Variants in PTPRN2 observed in about 807,000 individuals in gnomAD.
PTPRN2 encodes receptor-type tyrosine-protein phosphatase N2.
Under a neutral mutation model 118.8 loss-of-function variants are expected in PTPRN2, and 74 were observed. The observed-to-expected ratio is 0.62, with a 90% CI of 0.52 to 0.76. The LOEUF is 0.76. PTPRN2 is among the 30% of genes least tolerant of loss of function. The pLI is 0.00. For missense variants in PTPRN2, 1,481 were observed against 1,394.4 expected (o/e 1.06, Z -0.99); for synonymous variants, 641 against 608.0 (o/e 1.05, Z -0.80).
At position 157,953,904 on chromosome 7, in the gene PTPRN2, C is replaced by A. The variant is rs1409240170; in HGVS notation, c.1724-55167G>T. Among the ~76,000 whole-genome samples the A allele has an allele frequency of 6.6e-6, 1 of 152,198 alleles. No individual in the cohort carries two copies. The highest frequency in any genetic ancestry group is 1.5e-5 in the Non-Finnish European group (1 of 68,028). On this transcript the variant is annotated intron_variant, in intron 11 of 22. Coordinates refer to ENST00000389418, the MANE Select transcript of PTPRN2 (RefSeq NM_002847.5). This position sits in a 1 kb window ranked among gnomAD's most constrained non-coding sequence, Gnocchi z 4.6. ...GGTTTAAATATTCTCTCCTTTCCCT[C>A]ACCATGGAATGCACAAACGCTTGAA...
chr7:158,209,991 C>A (rs1028747588), intron 3 of PTPRN2, among the ~76,000 whole-genome samples: 16 of 152,100 alleles, frequency 1.1e-4, no homozygotes, highest in Non-Finnish European at 1.8e-4. Flanking sequence ...TTAGAGATTT[C>A]TTGAAACAAA....
chr7:157,790,965 T>A (rs531790605), intron 12 of PTPRN2, among the ~76,000 whole-genome samples: 1 of 152,306 alleles, frequency 6.6e-6, no homozygotes, highest in African/African-American at 2.4e-5. Context: ...GTTTAATAAC[T>A]TTTTTTAATA....
rs559187188 is a variant in PTPRN2 at position 157,831,863 on chromosome 7, G to C, written c.1788+66810C>G. Among the ~76,000 whole-genome samples, 78 of 152,318 alleles carry C rather than the reference G, an allele frequency of 5.1e-4. No individual in the cohort carries two copies. The highest frequency in any genetic ancestry group is 1.8e-3 in the African/African-American group (76 of 41,570). The stretch of plus-strand genomic sequence containing the variant: ...GCCATAAAATATATGGATATTCCAG[G>C]GTTTAATTCATAGCCATCCTTAAGC... On this transcript the variant is annotated intron_variant, in intron 12 of 22. Coordinates refer to ENST00000389418, the MANE Select transcript of PTPRN2 (RefSeq NM_002847.5). The surrounding 1 kb of genome is among the most constrained non-coding windows in gnomAD (Gnocchi z 4.8).
chr7:158,504,542 G>A (rs775259896), intron 1 of PTPRN2, among the ~76,000 whole-genome samples: 7 of 152,086 alleles, frequency 4.6e-5, no homozygotes, highest in Non-Finnish European at 7.4e-5. Flanking sequence ...TCTTTTCTAC[G>A]GCTGCATAGT....
At chr7:157,982,815 A>C (rs1338378998) in intron 11 of PTPRN2, among the ~76,000 whole-genome samples, 3 of 107,944 alleles carry the variant, frequency 2.8e-5, no homozygotes, top group African/African-American at 7.3e-5. Context: ...TGCAGAGTGC[A>C]GGGTCCCCCC....
intron 2 of PTPRN2, among the ~76,000 whole-genome samples, chr7:158,343,388 G>A (rs1483223609): frequency 2.6e-5 from 4 of 152,152 alleles, no homozygotes; most frequent in Non-Finnish European, 4.4e-5. Context: ...ATCAAAAAAC[G>A]AAACGAAGCA....
chr7:157,903,078 TGC>T lies in PTPRN2; in HGVS notation c.1724-4343_1724-4342del, dbSNP rs1797560567. 6.6e-6 allele frequency among the ~76,000 whole-genome samples: 1 copy of T among 152,076 alleles called. No individual in the cohort carries two copies. Among genetic ancestry groups the T allele is most frequent in the Non-Finnish European group, 1.5e-5 (1 of 68,010 alleles). On this transcript the variant is annotated intron_variant, in intron 11 of 22. Coordinates refer to ENST00000389418, the MANE Select transcript of PTPRN2 (RefSeq NM_002847.5). This position sits in a 1 kb window ranked among gnomAD's most constrained non-coding sequence, Gnocchi z 4.2. ...AACGCAAAAGCAGAAAGCCACACGC[TGC>T]CACACACTCTCACACGGAAGCAGGA...
In PTPRN2 at chr7:157,855,199, G is replaced by A. The variant is rs1230510464; in HGVS notation, c.1788+43474C>T. ...GCACCATTGCAGGGGTGTGTGTGGG[G>A]CCGGATCGGGGAGGATGGCTGCACC... On this transcript the variant is annotated intron_variant, in intron 12 of 22. Transcript: ENST00000389418. 3.3e-5 allele frequency among the ~76,000 whole-genome samples: 5 copies of A among 151,438 alleles called. 1 individual carries two copies. Among genetic ancestry groups the A allele is most frequent in the Non-Finnish European group, 5.9e-5 (4 of 67,714 alleles).
In PTPRN2 at chr7:157,629,708, C is replaced by T. The variant is rs150208277; in HGVS notation, c.2197-8199G>A. The stretch of plus-strand genomic sequence containing the variant: ...GACTTCTTCCCACTGTAGAACAAGG[C>T]GTGTTAAAGAAAGCTGGGCTTTGGG... On this transcript the variant is annotated intron_variant, in intron 14 of 22. Coordinates refer to ENST00000389418, the MANE Select transcript of PTPRN2 (RefSeq NM_002847.5). The surrounding 1 kb of genome is among the most constrained non-coding windows in gnomAD (Gnocchi z 4.4). Among the ~76,000 whole-genome samples, 2 of 152,300 alleles carry T rather than the reference C, an allele frequency of 1.3e-5. No homozygotes were observed. Among genetic ancestry groups the T allele is most frequent in the East Asian group, 1.9e-4 (1 of 5,178 alleles).
At chr7:158,415,989 C>T (rs965444251) in intron 2 of PTPRN2, among the ~76,000 whole-genome samples, 2 of 152,218 alleles carry the variant, frequency 1.3e-5, no homozygotes, top group Non-Finnish European at 2.9e-5. Flanking sequence ...GCAGCCACCA[C>T]AGTCCTGTCT....
At chr7:158,486,079 A>G (rs926651234) in intron 2 of PTPRN2, among the ~76,000 whole-genome samples, 1 of 152,224 alleles carries the variant, frequency 6.6e-6, no homozygotes, top group Non-Finnish European at 1.5e-5. Flanking sequence ...TACAAACACC[A>G]CTGCAGAGAG....
At chr7:157,917,214 C>T (rs1222125953) in intron 11 of PTPRN2, among the ~76,000 whole-genome samples, 2 of 152,270 alleles carry the variant, frequency 1.3e-5, no homozygotes, top group Non-Finnish European at 2.9e-5. Flanking sequence ...GGTTCCCCTT[C>T]TTTGCTGTTG....
At chr7:158,268,347 T>C (rs112627120) in intron 3 of PTPRN2, among the ~76,000 whole-genome samples, 16,775 of 136,624 alleles carry the variant, frequency 0.12, 1,021 homozygotes, top group Middle Eastern at 0.23. Context: ...GGGTGTGAAA[T>C]ATCCCAGCTG....
In PTPRN2 at chr7:157,583,206, G is replaced by C. The variant is rs1041838313; in HGVS notation, c.2497-5066C>G. On this transcript the variant is annotated intron_variant, in intron 17 of 22. Transcript: ENST00000389418. The surrounding 1 kb of genome is among the most constrained non-coding windows in gnomAD (Gnocchi z 5.5). Reference sequence around the variant, plus strand: ...AACCTGGAGGACACGACGTTAAATTGAAATAAGCCGGACACAGAAGGACAG... The same window carrying C: ...AACCTGGAGGACACGACGTTAAATTCAAATAAGCCGGACACAGAAGGACAG... 1.3e-5 allele frequency among the ~76,000 whole-genome samples: 2 copies of C among 152,120 alleles called. No individual in the cohort carries two copies. Among genetic ancestry groups the C allele is most frequent in the African/African-American group, 4.8e-5 (2 of 41,430 alleles).
intron 2 of PTPRN2, among the ~76,000 whole-genome samples, chr7:158,391,815 AC>A (rs1811953865): frequency 6.6e-6 from 1 of 152,090 alleles, no homozygotes; most frequent in Non-Finnish European, 1.5e-5. Context: ...AAGGAGCTGC[AC>A]CCCCAGCCAG....
intron 1 of PTPRN2, among the ~76,000 whole-genome samples, chr7:158,584,614 A>AG (rs1380046060): frequency 6.6e-6 from 1 of 152,206 alleles, no homozygotes; most frequent in Non-Finnish European, 1.5e-5. Flanking sequence ...CCGACCAGAA[A>AG]GGAACAGGCA....
At chr7:158,203,769 GAACACATCCAAAATAGAAATTC>G (rs1826864844) in intron 4 of PTPRN2, among the ~76,000 whole-genome samples, 1 of 152,198 alleles carries the variant, frequency 6.6e-6, no homozygotes, top group African/African-American at 2.4e-5. Flanking sequence ...TAAGGAGTTT[GAACACATCCAAAATAGAAATTC>G]AACACAGCTC....
chr7:158,542,745 G>A (rs558111733), intron 1 of PTPRN2, among the ~76,000 whole-genome samples: 3 of 152,256 alleles, frequency 2.0e-5, no homozygotes, highest in African/African-American at 4.8e-5. Flanking sequence ...AGTTTTCTAC[G>A]ACATTGATGT....
chr7:157,808,097 C>G lies in PTPRN2; in HGVS notation c.1788+90576G>C, dbSNP rs573889794. Among the ~76,000 whole-genome samples, 3 of 152,214 alleles carry G rather than the reference C, an allele frequency of 2.0e-5. No individual in the cohort carries two copies. Among genetic ancestry groups the G allele is most frequent in the African/African-American group, 7.2e-5 (3 of 41,474 alleles). ...CAGATCTCCCACCCATGTCTTCCCA[C>G]TGGACCAGGCATCCCCAGCCTCTGG... On this transcript the variant is annotated intron_variant, in intron 12 of 22. Coordinates refer to ENST00000389418, the MANE Select transcript of PTPRN2 (RefSeq NM_002847.5). The surrounding 1 kb of genome is among the most constrained non-coding windows in gnomAD (Gnocchi z 5.0).
Sources: allele counts gnomAD v4.1 joint callset (sites outside exome capture counted in the v4.1 genomes callset), GRCh38; gene constraint gnomAD v4.1.1; non-coding constraint Gnocchi (gnomAD v3.1); transcripts MANE v1.5; gene names NCBI Gene and HGNC (gene_info 2026-07-23, HGNC 2026-07-21).